The following ZDHHC17 variants were observed in gnomAD, a reference collection of about 807,000 sequenced individuals.
The protein encoded by ZDHHC17 is palmitoyltransferase ZDHHC17.
Under a neutral mutation model 90.3 loss-of-function variants are expected in ZDHHC17, and 40 were observed. The observed-to-expected ratio is 0.44, with a 90% CI of 0.34 to 0.58. The LOEUF is 0.58. Among genes scored for constraint, ZDHHC17 ranks in the 20% least tolerant of loss-of-function variants. The probability of loss-of-function intolerance (pLI) is 0.01; values close to 1 mark genes in which losing one functional copy is unlikely to be tolerated. For synonymous variants in ZDHHC17, 235 were observed against 252.4 expected (o/e 0.93, Z 0.65); for missense variants, 614 against 780.8 (o/e 0.79, Z 2.55).
intron 8 of ZDHHC17, among the ~76,000 whole-genome samples, chr12:76,824,295 TG>T (rs943780424): frequency 6.6e-6 from 1 of 152,166 alleles, no homozygotes; most frequent in Admixed American, 6.5e-5. Flanking sequence ...GTTTCTTTCC[TG>T]TTTTTTTTCA....
chr12:76,807,480 T>G (rs1952968426), intron 3 of ZDHHC17, among the ~76,000 whole-genome samples: 3 of 152,204 alleles, frequency 2.0e-5, no homozygotes, highest in African/African-American at 7.2e-5. Flanking sequence ...AACAGTATAT[T>G]GAGCAAAGAG....
At chr12:76,849,043 G>A (rs1204438498) in intron 15 of ZDHHC17, among the ~76,000 whole-genome samples, 2 of 149,232 alleles carry the variant, frequency 1.3e-5, no homozygotes, top group Non-Finnish European at 3.0e-5. Context: ...CCCAGCACTT[G>A]GAAGCCGAGG....
intron 10 of ZDHHC17, among the ~76,000 whole-genome samples, chr12:76,834,478 C>T (rs768381864): frequency 6.6e-6 from 1 of 152,166 alleles, no homozygotes; most frequent in Non-Finnish European, 1.5e-5. Flanking sequence ...TTAGTTATCT[C>T]CCATGCATTC....
At chr12:76,799,150 A>C (rs1178206162) in intron 2 of ZDHHC17, among the ~76,000 whole-genome samples, 1 of 152,124 alleles carries the variant, frequency 6.6e-6, no homozygotes, top group South Asian at 2.1e-4. Context: ...AAAAACAAGC[A>C]AAAAAAGAAT....
At chr12:76,795,057 C>CT (rs1592470360) in intron 1 of ZDHHC17, among the ~76,000 whole-genome samples, 1 of 152,138 alleles carries the variant, frequency 6.6e-6, no homozygotes, top group African/African-American at 2.4e-5. Context: ...TTCTTCTCTA[C>CT]TTTGTCTTTC....
chr12:76,825,383 A>C lies in ZDHHC17; in HGVS notation c.898-1525A>C, dbSNP rs549096148. 2.6e-5 allele frequency among the ~76,000 whole-genome samples: 4 copies of C among 152,316 alleles called. No individual in the cohort carries two copies. In the South Asian group the frequency reaches 6.2e-4, roughly 24 times the overall value. ...CTTTCACATTTACTATATAGTTGAA[A>C]ATTTTCCTAATATAAGAGAAAATAG... On this transcript the variant is annotated intron_variant, in intron 8 of 16. Transcript: ENST00000426126.
chr12:76,769,127 C>T (rs185317363), intron 1 of ZDHHC17: 62 of 388,324 alleles, frequency 1.6e-4, no homozygotes, highest in African/African-American at 1.2e-3. Flanking sequence ...GACGTGATCT[C>T]GGCTTACTGC....
chr12:76,776,935 T>C (rs1455038268), intron 1 of ZDHHC17, among the ~76,000 whole-genome samples: 1 of 152,220 alleles, frequency 6.6e-6, no homozygotes, highest in Non-Finnish European at 1.5e-5. Flanking sequence ...TTGATAACTT[T>C]TCTTGAACTT....
rs1227076819 is a variant in ZDHHC17, at chr12:76,815,129, TC to T, written c.544-16del. On this transcript the variant is annotated splice_polypyrimidine_tract_variant and intron_variant, in intron 5 of 16. Coordinates refer to ENST00000426126, the MANE Select transcript of ZDHHC17 (RefSeq NM_015336.4). Reference sequence around the variant, plus strand: ...TATAATTTAACTGTCTGACTTTTTTTCTTTTTACTTTATCAGGATGTAGATA... The same window carrying T: ...TATAATTTAACTGTCTGACTTTTTTTTTTTTACTTTATCAGGATGTAGATA... 4.6e-6 allele frequency: 7 copies of T among 1,530,660 alleles called. No individual in the cohort carries two copies. In the Admixed American group the frequency reaches 1.4e-4, roughly 32 times the overall value. The allele number at this position is 1,530,660 out of a possible 1,614,324, so 94.8% of individuals were successfully genotyped here. A position where few individuals can be genotyped will look rare whatever the true frequency, so the allele number is the denominator to read the frequency against.
intron 10 of ZDHHC17, among the ~76,000 whole-genome samples, chr12:76,833,142 C>A (rs905814304): frequency 6.6e-6 from 1 of 152,086 alleles, no homozygotes; most frequent in Admixed American, 6.5e-5. Flanking sequence ...CTGTTCCATT[C>A]TTTGAATAAT....
At chr12:76,796,867 T>G (rs1029422688) in intron 1 of ZDHHC17, among the ~76,000 whole-genome samples, 2 of 152,214 alleles carry the variant, frequency 1.3e-5, no homozygotes, top group African/African-American at 4.8e-5. Flanking sequence ...AGCTGAAGAT[T>G]AGTTTCAGTT....
chr12:76,776,358 C>G (rs1023256584), intron 1 of ZDHHC17, among the ~76,000 whole-genome samples: 1 of 152,056 alleles, frequency 6.6e-6, no homozygotes, highest in Admixed American at 6.6e-5. Flanking sequence ...ATGGTGAAGT[C>G]CCACAGTTCC....
intron 1 of ZDHHC17, among the ~76,000 whole-genome samples, chr12:76,779,750 C>A (rs1952601528): frequency 6.6e-6 from 1 of 152,160 alleles, no homozygotes; most frequent in Admixed American, 6.5e-5. Context: ...CTTTGCCTAG[C>A]CTGAGATCCC....
rs1020228068 is a variant in ZDHHC17 at position 76,827,224 on chromosome 12, A to T, written c.1040+174A>T. ...TAAACATTGTTATGTTATTAAAATGATTCAGAGGCACTTTAATGATAAAAG... is the reference window on the plus strand; with the variant it reads ...TAAACATTGTTATGTTATTAAAATGTTTCAGAGGCACTTTAATGATAAAAG... On this transcript the variant is annotated intron_variant, in intron 9 of 16. Transcript: ENST00000426126. Among the ~76,000 whole-genome samples the T allele has an allele frequency of 1.3e-4, 20 of 152,158 alleles. 1 individual carries two copies. The highest frequency in any genetic ancestry group is 2.9e-4 in the Non-Finnish European group (20 of 67,992).
chr12:76,811,486 C>A (rs546349019), intron 5 of ZDHHC17, among the ~76,000 whole-genome samples: 1 of 151,880 alleles, frequency 6.6e-6, no homozygotes, highest in African/African-American at 2.4e-5. Flanking sequence ...TTTCATTAAT[C>A]TTTTTAACCT....
In ZDHHC17 at chr12:76,764,217, G is replaced by T; in HGVS notation, c.-20G>T. ...TCCGCCTCGCCCGAGCCCCGGGAGG[G>T]TGAAACGCTTTCTCCCAGCATGCAG... On this transcript the variant is annotated 5_prime_UTR_variant, in exon 1 of 17. Transcript: ENST00000426126. 1 of 1,569,478 alleles carries T rather than the reference G, an allele frequency of 6.4e-7. No homozygotes were observed. Among genetic ancestry groups the T allele is most frequent in the Non-Finnish European group, 8.6e-7 (1 of 1,157,550 alleles).
chr12:76,772,505 G>A (rs1280565761), intron 1 of ZDHHC17, among the ~76,000 whole-genome samples: 6 of 150,020 alleles, frequency 4.0e-5, no homozygotes, highest in South Asian at 2.1e-4. Context: ...CTCACTCTTC[G>A]TGTTGTGTAT....
intron 2 of ZDHHC17, among the ~76,000 whole-genome samples, chr12:76,799,594 C>T (rs1193803064): frequency 6.6e-6 from 1 of 152,170 alleles, no homozygotes; most frequent in African/African-American, 2.4e-5. Context: ...TGGGTAGAGT[C>T]TGTGACTTTC....
chr12:76,815,457 AAATT>A (rs1953075079), intron 6 of ZDHHC17, among the ~76,000 whole-genome samples: 3 of 151,778 alleles, frequency 2.0e-5, no homozygotes, highest in East Asian at 1.9e-4. Context: ...CTTTTTTTAA[AAATT>A]AATTAATTTT....
Sources: allele counts gnomAD v4.1 joint callset (sites outside exome capture counted in the v4.1 genomes callset), GRCh38; gene constraint gnomAD v4.1.1; transcripts MANE v1.5; gene names NCBI Gene and HGNC (gene_info 2026-07-23, HGNC 2026-07-21).